Variants in CSMD2 observed in about 807,000 individuals in gnomAD.
The protein encoded by CSMD2 is CUB and Sushi multiple domains 2.
CSMD2 carries 130 observed loss-of-function variants against 398.5 expected under a neutral mutation model. That is an observed-to-expected ratio of 0.33 (90% CI 0.28 to 0.38). CSMD2 has a LOEUF of 0.38. Among genes scored for constraint, CSMD2 ranks in the 10% least tolerant of loss-of-function variants. The pLI, the probability that CSMD2 is intolerant of heterozygous loss-of-function variation, is 1.00. For synonymous variants in CSMD2, 1,828 were observed against 1,908.5 expected (o/e 0.96, Z 1.10); for missense variants, 3,829 against 4,764.9 (o/e 0.80, Z 5.78).
intron 21 of CSMD2, among the ~76,000 whole-genome samples, chr1:33,709,700 C>T (rs116410743): frequency 6.6e-6 from 1 of 152,252 alleles, no homozygotes; most frequent in Non-Finnish European, 1.5e-5. Context: ...TAAGAGGGGG[C>T]AAGATCACAT....
chr1:34,129,635 G>C (rs1339042356), intron 1 of CSMD2, among the ~76,000 whole-genome samples: 10 of 152,360 alleles, frequency 6.6e-5, no homozygotes, highest in East Asian at 1.9e-4. Context: ...CTAGGCGATA[G>C]AGCAAGACTC....
In CSMD2 at chr1:33,846,904, C is replaced by T; in HGVS notation, c.1013G>A (p.Gly338Glu). The T allele has an allele frequency of 6.2e-7, 1 of 1,606,990 alleles. No individual in the cohort carries two copies. Among genetic ancestry groups the T allele is most frequent in the South Asian group, 1.1e-5 (1 of 89,994 alleles). The stretch of plus-strand genomic sequence containing the variant: ...CCTACCTTGGTATTGGGCACTGAAT[C>T]CGCGCTGCCGGTGGTTGCCATCCGA... ...FTSDGNHRQR[G>E]FSAQYQVKKQ... Residue 338 changes from glycine to glutamate, a missense_variant, in exon 6 of 71, where the codon GGA (glycine) becomes GAA (glutamate). Physicochemically the swap from Gly to Glu is moderately conservative, Grantham distance 98. Transcript: ENST00000373381.
At chr1:33,973,790 G>A (rs1346540816) in intron 3 of CSMD2, among the ~76,000 whole-genome samples, 1 of 152,188 alleles carries the variant, frequency 6.6e-6, no homozygotes, top group Non-Finnish European at 1.5e-5. Flanking sequence ...GATGCACTGA[G>A]GAGAAGGTGC....
chr1:34,135,897 G>A (rs1371741282), intron 1 of CSMD2, among the ~76,000 whole-genome samples: 1 of 152,034 alleles, frequency 6.6e-6, no homozygotes, highest in East Asian at 1.9e-4. Context: ...TTGATAAGTG[G>A]GACTGGGCTC....
chr1:33,544,854 T>TATATATATATAC (rs1553134872), intron 57 of CSMD2, among the ~76,000 whole-genome samples: 1 of 93,328 alleles, frequency 1.1e-5, no homozygotes, highest in Non-Finnish European at 2.6e-5. Flanking sequence ...TATATATATA[T>TATATATATATAC]ACACATATAA....
chr1:33,971,764 A>C (rs556682023), intron 3 of CSMD2, among the ~76,000 whole-genome samples: 1 of 152,078 alleles, frequency 6.6e-6, no homozygotes, highest in East Asian at 1.9e-4. Context: ...CCTCCAAGGA[A>C]CCCAAATTCT....
intron 5 of CSMD2, among the ~76,000 whole-genome samples, chr1:33,889,060 G>A (rs1387407325): frequency 2.0e-5 from 3 of 152,118 alleles, no homozygotes; most frequent in East Asian, 1.9e-4. Context: ...GTGAGCCACT[G>A]CGCCCGGCCA....
At chr1:34,134,085 G>A in intron 1 of CSMD2, among the ~76,000 whole-genome samples, 1 of 146,176 alleles carries the variant, frequency 6.8e-6, no homozygotes, top group Admixed American at 6.9e-5. Flanking sequence ...AAAATACTGA[G>A]CAGCTCTGGC....
In CSMD2 at chr1:33,533,757, G is replaced by C. The variant is rs1328018997; in HGVS notation, c.9991+39C>G. 4 of 1,372,260 alleles carry C rather than the reference G, an allele frequency of 2.9e-6. No homozygotes were observed. In the South Asian group the frequency reaches 4.7e-5, roughly 16 times the overall value. 85.0% of individuals were successfully genotyped at this position (1,372,260 alleles called of 1,614,324 possible). ...TGACCCAGATGCCCAGCTGGGGCAA[G>C]AGGAATTTTCTTGGGATGTGGGTGA... On this transcript the variant is annotated intron_variant, in intron 63 of 70. Transcript: ENST00000373381. The surrounding 1 kb of genome is among the most constrained non-coding windows in gnomAD (Gnocchi z 4.2).
intron 5 of CSMD2, among the ~76,000 whole-genome samples, chr1:33,905,307 G>C (rs1643021292): frequency 6.6e-6 from 1 of 152,190 alleles, no homozygotes; most frequent in Admixed American, 6.5e-5. Context: ...TGGACAGAGA[G>C]TGGACGTTGG....
Position 33,714,574 on chromosome 1 carries a change from C to T in CSMD2, c.3406+13G>A, listed in dbSNP as rs150541249. On this transcript the variant is annotated intron_variant, in intron 21 of 70. Transcript: ENST00000373381. Reference sequence around the variant, plus strand: ...CCATTAGTGAAGCAAAATGAAAGCACGTGACCACCTACCAACACACCTTGG... The same window carrying T: ...CCATTAGTGAAGCAAAATGAAAGCATGTGACCACCTACCAACACACCTTGG... 54 of 1,612,240 alleles carry T rather than the reference C, an allele frequency of 3.3e-5. No individual in the cohort carries two copies. In the Middle Eastern group the frequency reaches 9.9e-4, roughly 30 times the overall value.
intron 1 of CSMD2, among the ~76,000 whole-genome samples, chr1:34,159,337 C>CA (rs974847403): frequency 1.1e-5 from 1 of 91,474 alleles, no homozygotes; most frequent in Admixed American, 9.3e-5. Flanking sequence ...TGCCCCCCCC[C>CA]CACCCAGGAG....
rs550997217 is a variant in CSMD2, at chr1:33,634,897, C to T, written c.5086+317G>A. ...GTTCCTAACAGGTCTAGATCTGCGG[C>T]ACCTCCCTTAGGACTTGGGCCATAC... On this transcript the variant is annotated intron_variant, in intron 31 of 70. Transcript: ENST00000373381. Among the ~76,000 whole-genome samples the T allele has an allele frequency of 3.3e-5, 5 of 152,254 alleles. 1 individual carries two copies. In the South Asian group the frequency reaches 6.2e-4, roughly 19 times the overall value.
intron 10 of CSMD2, among the ~76,000 whole-genome samples, chr1:33,799,226 G>A (rs936925538): frequency 2.6e-5 from 4 of 152,320 alleles, no homozygotes; most frequent in Middle Eastern, 3.4e-3. Flanking sequence ...CTACAACATA[G>A]AAGAATATGC....
At chr1:33,647,251 C>T (rs1643504965) in intron 28 of CSMD2, among the ~76,000 whole-genome samples, 1 of 152,092 alleles carries the variant, frequency 6.6e-6, no homozygotes, top group Admixed American at 6.5e-5. Flanking sequence ...AATGAGCCAA[C>T]TATGGTGCCA....
chr1:33,667,878 G>A (rs983431411), intron 25 of CSMD2, among the ~76,000 whole-genome samples: 1 of 152,188 alleles, frequency 6.6e-6, no homozygotes, highest in Non-Finnish European at 1.5e-5. Flanking sequence ...GGGTGCTGCT[G>A]TATAACAGTG....
At chr1:34,024,798 C>CT (rs779232283) in intron 3 of CSMD2, among the ~76,000 whole-genome samples, 1 of 152,250 alleles carries the variant, frequency 6.6e-6, no homozygotes, top group East Asian at 1.9e-4. Context: ...CAGTGTATGT[C>CT]TATCTATATA....
At chr1:34,043,828 T>C (rs1406401841) in intron 2 of CSMD2, among the ~76,000 whole-genome samples, 1 of 152,218 alleles carries the variant, frequency 6.6e-6, no homozygotes, top group East Asian at 1.9e-4. Flanking sequence ...AATTTTGGTA[T>C]GTGACAGGAA....
intron 28 of CSMD2, 24 bp downstream of exon 28, chr1:33,652,299 C>G: frequency 6.2e-7 from 1 of 1,612,546 alleles, no homozygotes; most frequent in African/African-American, 1.3e-5. Context: ...CCCTTCGTCT[C>G]CCACCCGGGG....
Sources: allele counts gnomAD v4.1 joint callset (sites outside exome capture counted in the v4.1 genomes callset), GRCh38; gene constraint gnomAD v4.1.1; non-coding constraint Gnocchi (gnomAD v3.1); transcripts MANE v1.5; gene names NCBI Gene and HGNC (gene_info 2026-07-23, HGNC 2026-07-21).